The following GPR142 variants were observed in gnomAD, a reference collection of about 807,000 sequenced individuals.
The protein encoded by GPR142 is G-protein coupled receptor 142 long form.
A neutral mutation model predicts 10.6 loss-of-function variants in GPR142; 9 were observed. The observed-to-expected ratio is 0.85, with a 90% CI of 0.51 to 1.48. The LOEUF is 1.48. Ranked by LOEUF, GPR142 falls within the 40% of genes most tolerant of loss-of-function variation. The pLI is 0.00. For missense variants in GPR142, 482 were observed against 506.0 expected, an observed-to-expected ratio of 0.95 and a Z score of 0.45; for synonymous variants, 202 against 221.2, an observed-to-expected ratio of 0.91 and a Z score of 0.77.
chr17:74,368,377 C>G (rs1449835884), intron 1 of GPR142, among the ~76,000 whole-genome samples: 2 of 152,138 alleles, frequency 1.3e-5, no homozygotes, highest in South Asian at 2.1e-4. Context: ...TCCAGTCCCA[C>G]TGTGCCACCC....
chr17:74,371,127 G>A (rs2055020938), intron 3 of GPR142, among the ~76,000 whole-genome samples: 1 of 150,584 alleles, frequency 6.6e-6, no homozygotes, highest in Admixed American at 6.6e-5. Flanking sequence ...AACCTAAAAA[G>A]GACTTGGAGG....
rs373817114 is a variant in GPR142 at position 74,372,037 on chromosome 17, C to A, written c.562C>A (p.Arg188Ser). ...GGCCGCCTCGTCCCCAGGCCGGACC[C>A]GCCGGGCCATTGCTGCTGTCCTGAG... ...HRAASSPGRTRRAIAAVLSAA... is the reference protein window; with the variant it reads ...HRAASSPGRTSRAIAAVLSAA... Residue 188 changes from arginine to serine, a missense_variant, in exon 4 of 4, where the codon CGC (arginine) becomes AGC (serine). Coordinates refer to ENST00000582579, the MANE Select transcript of GPR142 (RefSeq NM_001331076.1). 8.1e-6 allele frequency: 13 copies of A among 1,613,902 alleles called. No individual in the cohort carries two copies. In the Admixed American group the frequency reaches 2.0e-4, roughly 25 times the overall value.
chr17:74,367,809 G>T lies in GPR142; in HGVS notation c.-74+15G>T. The T allele has an allele frequency of 6.3e-7, 1 of 1,579,140 alleles. No individual in the cohort carries two copies. The highest frequency in any genetic ancestry group is 1.2e-5 in the South Asian group (1 of 84,866). On this transcript the variant is annotated intron_variant, in intron 1 of 3. Coordinates refer to ENST00000582579, the MANE Select transcript of GPR142 (RefSeq NM_001331076.1). ...GGGGTGGGATGGTAAGTTGCTGGAA[G>T]GACGTGCATGGGGCATCATTGTAGC... is the stretch of plus-strand genomic sequence containing the variant.
chr17:74,368,094 A>G (rs924134149), intron 1 of GPR142, among the ~76,000 whole-genome samples: 1 of 152,184 alleles, frequency 6.6e-6, no homozygotes, highest in Non-Finnish European at 1.5e-5. Context: ...CAGCCTCGGC[A>G]ACACAGCGAG....
intron 1 of GPR142, 135 bp from the exon 2 acceptor site, chr17:74,369,333 C>T (rs1004370194): frequency 1.3e-5 from 10 of 746,816 alleles, no homozygotes; most frequent in African/African-American, 5.3e-5. Context: ...CTGCCCAGCC[C>T]GACCCCTTCC....
Position 74,369,370 on chromosome 17 carries a change from G to C in GPR142, c.-73-98G>C. 4.2e-6 allele frequency: 5 copies of C among 1,201,172 alleles called. 1 individual carries two copies. The South Asian group carries it at 5.6e-5, about 13-fold the overall frequency. The allele number at this position is 1,201,172 out of a possible 1,614,324, so 74.4% of individuals were successfully genotyped here. ...CTGCCTGTGCGCCTTAGAGCACCCT[G>C]GTTTGCTCCACCAGCATCTACTCTA... On this transcript the variant is annotated intron_variant, in intron 1 of 3. Transcript: ENST00000582579.
chr17:74,368,083 C>T (rs2054994430), intron 1 of GPR142, among the ~76,000 whole-genome samples: 1 of 152,204 alleles, frequency 6.6e-6, no homozygotes, highest in Non-Finnish European at 1.5e-5. Flanking sequence ...GAGTTCCAGA[C>T]CAGCCTCGGC....
intron 1 of GPR142, among the ~76,000 whole-genome samples, chr17:74,368,634 C>T (rs1029266725): frequency 1.2e-3 from 190 of 152,306 alleles, no homozygotes; most frequent in African/African-American, 4.5e-3. Context: ...CTCCCGAGAC[C>T]GTCCACGGGG....
chr17:74,367,628 T>C lies in GPR142; in HGVS notation c.-240T>C, dbSNP rs1258030222. The C allele has an allele frequency of 2.5e-6, 4 of 1,614,064 alleles. No homozygotes were observed. The highest frequency in any genetic ancestry group is 3.4e-6 in the Non-Finnish European group (4 of 1,180,042). ...AGGAAGACAAATCAATGGTGTCCCA[T>C]GCACAGAAAAGCCAGCATTCTTGTC... On this transcript the variant is annotated 5_prime_UTR_variant, in exon 1 of 4. It removes an upstream start codon present in the reference 5' UTR. Coordinates refer to ENST00000582579, the MANE Select transcript of GPR142 (RefSeq NM_001331076.1).
chr17:74,372,434 C>A lies in GPR142; in HGVS notation c.959C>A (p.Ala320Glu). 6.2e-7 allele frequency: 1 copy of A among 1,613,986 alleles called. No individual in the cohort carries two copies. Among genetic ancestry groups the A allele is most frequent in the Admixed American group, 1.7e-5 (1 of 60,030 alleles). The change falls in exon 4 of 4, where the codon GCA becomes GAA. Residue 320 changes from alanine (A) to glutamate (E), a missense_variant. Coordinates refer to ENST00000582579, the MANE Select transcript of GPR142 (RefSeq NM_001331076.1). ...AATATGGTGGCCATGCTCCACACGGCAGCCAACTTCGGCCTCTACTGCTTT... is the reference window on the plus strand; with the variant it reads ...AATATGGTGGCCATGCTCCACACGGAAGCCAACTTCGGCCTCTACTGCTTT... ...VANMVAMLHT[A>E]ANFGLYCFVS...
chr17:74,372,345 C>G lies in GPR142; in HGVS notation c.870C>G (p.Leu290=). The G allele has an allele frequency of 6.2e-7, 1 of 1,614,110 alleles. No homozygotes were observed. Among genetic ancestry groups the G allele is most frequent in the East Asian group, 2.2e-5 (1 of 44,882 alleles). Residue 290 remains leucine (L), a synonymous_variant, in exon 4 of 4, where the codon CTC becomes CTG. Transcript: ENST00000582579. ...LLWAPRVFVM[L]YHMYVAPVHR... ...GGGCGCCCCGGGTCTTCGTCATGCT[C>G]TACCACATGTACGTGGCCCCTGTCC...
chr17:74,372,176 A>G lies in GPR142; in HGVS notation c.701A>G (p.Tyr234Cys), dbSNP rs2144342910. Reference sequence around the variant, plus strand: ...AAGTGGGCTCACTGTCTCACTGTCTATTTCATCCCTTGTGGCGTGTTCCTG... The same window carrying G: ...AAGTGGGCTCACTGTCTCACTGTCTGTTTCATCCCTTGTGGCGTGTTCCTG... ...VLKWAHCLTV[Y>C]FIPCGVFLVT... Residue 234 changes from tyrosine to cysteine, a missense_variant, in exon 4 of 4, where the codon TAT becomes TGT. Coordinates refer to ENST00000582579, the MANE Select transcript of GPR142 (RefSeq NM_001331076.1). 4 of 1,613,976 alleles carry G rather than the reference A, an allele frequency of 2.5e-6. No homozygotes were observed. Among genetic ancestry groups the G allele is most frequent in the East Asian group, 2.2e-5 (1 of 44,848 alleles).
At chr17:74,368,320 G>C (rs537725296) in intron 1 of GPR142, among the ~76,000 whole-genome samples, 1 of 152,270 alleles carries the variant, frequency 6.6e-6, no homozygotes, top group Admixed American at 6.5e-5. Flanking sequence ...TGGGGCTGGG[G>C]TCCCAGCACT....
rs563803003 is a variant in GPR142 at position 74,370,736 on chromosome 17, T to C, written c.253+57T>C. 4 of 1,526,312 alleles carry C rather than the reference T, an allele frequency of 2.6e-6. No individual in the cohort carries two copies. In the East Asian group the frequency reaches 6.8e-5, roughly 26 times the overall value. The allele number at this position is 1,526,312 out of a possible 1,614,324, so 94.5% of individuals were successfully genotyped here. On this transcript the variant is annotated intron_variant, in intron 3 of 3. Coordinates refer to ENST00000582579, the MANE Select transcript of GPR142 (RefSeq NM_001331076.1). Reference sequence around the variant, plus strand: ...GCTTGGCCAGAAATGGGGATCCTCCTTCAATGGGTGCCAGTCCTCTGTGTT... The same window carrying C: ...GCTTGGCCAGAAATGGGGATCCTCCCTCAATGGGTGCCAGTCCTCTGTGTT...
rs368359101 is a variant in GPR142, at chr17:74,369,485, G to A, written c.-56G>A. 41 of 1,557,592 alleles carry A rather than the reference G, an allele frequency of 2.6e-5. No homozygotes were observed. The African/African-American group carries it at 4.2e-4, about 16-fold the overall frequency. On this transcript the variant is annotated 5_prime_UTR_variant, in exon 2 of 4. Transcript: ENST00000582579. ...ACTAACAGGCTCAGTGTCTGCGTAA[G>A]GATCCTGGGGCAAACAACCACTTGG...
Position 74,372,548 on chromosome 17 carries a change from C to A in GPR142, c.1073C>A (p.Ala358Glu), listed in dbSNP as rs369083518. 4 of 1,611,572 alleles carry A rather than the reference C, an allele frequency of 2.5e-6. No homozygotes were observed. ...TTGGCATCACAGCCAGAGGGCATGG[C>A]GGCGAAGCCTGTGATGGAGCCTCCG... ...CTLASQPEGM[A>E]AKPVMEPPGL... Residue 358 changes from alanine (A) to glutamate (E), a missense_variant, in exon 4 of 4, where the codon GCG becomes GAG. Ala to Glu is a moderately radical substitution (Grantham distance 107, BLOSUM62 -1). Transcript: ENST00000582579.
Position 74,367,794 on chromosome 17 carries a change from G to A in GPR142, c.-74G>A. On this transcript the variant is annotated splice_region_variant and 5_prime_UTR_variant, in exon 1 of 4. It removes an upstream start codon present in the reference 5' UTR. Coordinates refer to ENST00000582579, the MANE Select transcript of GPR142 (RefSeq NM_001331076.1). ...GAACAGGCCTTCTATGGGGTGGGAT[G>A]GTAAGTTGCTGGAAGGACGTGCATG... is the stretch of plus-strand genomic sequence containing the variant. 3 of 1,595,508 alleles carry A rather than the reference G, an allele frequency of 1.9e-6. No homozygotes were observed. Among genetic ancestry groups the A allele is most frequent in the Non-Finnish European group, 2.6e-6 (3 of 1,169,770 alleles).
Position 74,372,482 on chromosome 17 carries a change from C to T in GPR142, c.1007C>T (p.Thr336Ile). 1 of 1,613,834 alleles carries T rather than the reference C, an allele frequency of 6.2e-7. No homozygotes were observed. The highest frequency in any genetic ancestry group is 1.3e-5 in the African/African-American group (1 of 75,088). The change falls in exon 4 of 4, where the codon ACT becomes ATT. Residue 336 changes from threonine to isoleucine, a missense_variant. Transcript: ENST00000582579. ...TTTGTCAGCAAGACTTTCCGGGCCA[C>T]TGTCCGACAGGTCATCCACGATGCC... ...YCFVSKTFRA[T>I]VRQVIHDAYL...
rs1598411117 is a variant in GPR142 at position 74,372,266 on chromosome 17, T to G, written c.791T>G (p.Val264Gly). The change falls in exon 4 of 4, where the codon GTG becomes GGG. Residue 264 changes from valine (V) to glycine (G), a missense_variant. Physicochemically the swap from Val to Gly is moderately radical, Grantham distance 109 (BLOSUM62 -3). Transcript: ENST00000582579. ...RRGRSGLQPR[V>G]GKSTAILLGI... ...GGCCGGAGTGGGCTGCAGCCCCGGGTGGGCAAGAGCACAGCCATCCTCCTG... is the reference window on the plus strand; with the variant it reads ...GGCCGGAGTGGGCTGCAGCCCCGGGGGGGCAAGAGCACAGCCATCCTCCTG... 6.2e-7 allele frequency: 1 copy of G among 1,613,432 alleles called. No homozygotes were observed. The highest frequency in any genetic ancestry group is 8.5e-7 in the Non-Finnish European group (1 of 1,179,490).
Sources: gnomAD v4.1 joint callset for allele counts (sites outside exome capture counted in the v4.1 genomes callset) on GRCh38, gnomAD v4.1.1 for gene constraint, MANE v1.5 for transcripts, NCBI Gene and HGNC (gene_info 2026-07-23, HGNC 2026-07-21) for gene names.